Variants in RALYL observed in about 807,000 individuals in gnomAD.
RALYL encodes RNA-binding Raly-like protein.
In RALYL, 29 loss-of-function variants were observed where a neutral mutation model predicts 35.1. The ratio of observed to expected loss-of-function variants is 0.83; its 90% CI spans 0.61 to 1.13. The LOEUF (loss-of-function observed/expected upper bound fraction) is 1.13, where lower values mean the gene tolerates loss of function less well. Ranked by LOEUF, RALYL falls within the 50% of genes most tolerant of loss-of-function variation. The pLI, the probability that RALYL is intolerant of heterozygous loss-of-function variation, is 0.00. For synonymous variants in RALYL, 120 were observed against 127.6 expected, an observed-to-expected ratio of 0.94 and a Z score of 0.40; for missense variants, 359 against 360.4, an observed-to-expected ratio of 1.00 and a Z score of 0.03.
At chr8:84,848,634 GA>G (rs1214278296) in intron 4 of RALYL, among the ~76,000 whole-genome samples, 10 of 152,162 alleles carry the variant, frequency 6.6e-5, no homozygotes, top group Non-Finnish European at 1.3e-4. Context: ...AGAGGCTGGA[GA>G]GGCAGGAATG....
intron 1 of RALYL, among the ~76,000 whole-genome samples, chr8:84,344,012 A>C (rs924448375): frequency 2.0e-5 from 3 of 151,910 alleles, no homozygotes; most frequent in African/African-American, 7.2e-5. Flanking sequence ...AAAATCCCCA[A>C]CGTGTTCAAT....
chr8:84,198,226 T>C (rs1435535860), intron 1 of RALYL, among the ~76,000 whole-genome samples: 1 of 152,196 alleles, frequency 6.6e-6, no homozygotes, highest in Non-Finnish European at 1.5e-5. Flanking sequence ...TAAGAGCATA[T>C]GTGTACTGAA....
chr8:84,773,267 T>C (rs1026698698), intron 2 of RALYL, among the ~76,000 whole-genome samples: 3 of 152,254 alleles, frequency 2.0e-5, no homozygotes, highest in Admixed American at 1.3e-4. Flanking sequence ...TAGTTTTATG[T>C]TGCATTCTTT....
At chr8:84,906,119 T>A (rs535892181) in intron 8 of RALYL, among the ~76,000 whole-genome samples, 172 of 152,264 alleles carry the variant, frequency 1.1e-3, no homozygotes, top group African/African-American at 4.0e-3. Flanking sequence ...TAACTGTAAA[T>A]GCTGACCTCT....
chr8:84,814,969 G>A (rs1048083682), intron 4 of RALYL, among the ~76,000 whole-genome samples: 1 of 152,192 alleles, frequency 6.6e-6, no homozygotes, highest in African/African-American at 2.4e-5. Context: ...TACCAGTGGG[G>A]CCTGGGAGCC....
At chr8:84,642,247 C>A (rs986297622) in intron 2 of RALYL, among the ~76,000 whole-genome samples, 3 of 151,940 alleles carry the variant, frequency 2.0e-5, no homozygotes, top group Non-Finnish European at 4.4e-5. Context: ...ATTTTTCTGA[C>A]AAAATTGGAA....
intron 1 of RALYL, among the ~76,000 whole-genome samples, chr8:84,214,593 T>C (rs1820323545): frequency 6.6e-6 from 1 of 152,160 alleles, no homozygotes; most frequent in Non-Finnish European, 1.5e-5. Flanking sequence ...TAATATCATT[T>C]ACTGTAATAT....
At chr8:84,521,066 A>G (rs911830504) in intron 1 of RALYL, among the ~76,000 whole-genome samples, 2 of 152,192 alleles carry the variant, frequency 1.3e-5, no homozygotes, top group Admixed American at 1.3e-4. Context: ...CTCAAAATTC[A>G]TATATTGAAG....
chr8:84,706,187 C>T (rs994631123), intron 2 of RALYL: 1 of 846,910 alleles, frequency 1.2e-6, no homozygotes. Flanking sequence ...TAGCTTTTCT[C>T]ACCCTAACCT....
chr8:84,600,006 A>G (rs1046818102), intron 2 of RALYL, among the ~76,000 whole-genome samples: 10 of 149,846 alleles, frequency 6.7e-5, no homozygotes, highest in Admixed American at 2.7e-4. Flanking sequence ...TTCTGTTTTG[A>G]ATCTAATTTT....
chr8:84,321,133 A>T lies in RALYL; in HGVS notation c.-24+136709A>T, dbSNP rs145393953. Among the ~76,000 whole-genome samples, 7 of 152,268 alleles carry T rather than the reference A, an allele frequency of 4.6e-5. No homozygotes were observed. In the East Asian group the frequency reaches 1.3e-3, roughly 29 times the overall value. ...TGGAAACGGAAGTGAATAGAAGAAA[A>T]GCAGTTTAAAAGACAGGAATGGTAA... On this transcript the variant is annotated intron_variant, in intron 1 of 8. Transcript: ENST00000521268.
At chr8:84,766,739 A>C (rs1454348472) in intron 2 of RALYL, among the ~76,000 whole-genome samples, 8 of 148,772 alleles carry the variant, frequency 5.4e-5, no homozygotes, top group Non-Finnish European at 9.0e-5. Context: ...AAAAAAAAAA[A>C]AAAAAAAAAC....
At chr8:84,761,766 G>C (rs915419706) in intron 2 of RALYL, among the ~76,000 whole-genome samples, 1 of 152,010 alleles carries the variant, frequency 6.6e-6, no homozygotes, top group Non-Finnish European at 1.5e-5. Context: ...ATATATTTTT[G>C]AGCAAAACAG....
At chr8:84,458,648 CT>C (rs2050407516) in intron 1 of RALYL, among the ~76,000 whole-genome samples, 1 of 151,534 alleles carries the variant, frequency 6.6e-6, no homozygotes, top group Non-Finnish European at 1.5e-5. Context: ...ATATTTCAGT[CT>C]TATAAAAAGA....
intron 2 of RALYL, among the ~76,000 whole-genome samples, chr8:84,544,344 A>G (rs1011029991): frequency 2.0e-5 from 3 of 151,912 alleles, no homozygotes; most frequent in African/African-American, 7.2e-5. Flanking sequence ...TTATTTTTTT[A>G]AAAATCTAAT....
chr8:84,908,667 A>G (rs2135658513), intron 8 of RALYL, among the ~76,000 whole-genome samples: 1 of 152,270 alleles, frequency 6.6e-6, no homozygotes, highest in Non-Finnish European at 1.5e-5. Context: ...AAATATGAGA[A>G]TGCAGATATC....
intron 2 of RALYL, among the ~76,000 whole-genome samples, chr8:84,641,357 A>G (rs1826279280): frequency 6.6e-6 from 1 of 151,772 alleles, no homozygotes; most frequent in Non-Finnish European, 1.5e-5. Flanking sequence ...TTTAGGGGGT[A>G]AGAAATCCTG....
chr8:84,713,549 T>C (rs1437444541), intron 2 of RALYL, among the ~76,000 whole-genome samples: 1 of 152,060 alleles, frequency 6.6e-6, no homozygotes, highest in Middle Eastern at 3.4e-3. Flanking sequence ...AGAAGAATTG[T>C]TATAAAAGTG....
chr8:84,550,435 T>G (rs960093224), intron 2 of RALYL, among the ~76,000 whole-genome samples: 2 of 152,118 alleles, frequency 1.3e-5, no homozygotes, highest in Admixed American at 1.3e-4. Flanking sequence ...AGCAAACTTA[T>G]TTTCCTTATG....
Sources: gnomAD v4.1 joint callset for allele counts (sites outside exome capture counted in the v4.1 genomes callset) on GRCh38, gnomAD v4.1.1 for gene constraint, MANE v1.5 for transcripts, NCBI Gene and HGNC (gene_info 2026-07-23, HGNC 2026-07-21) for gene names.